The following CDC123 variants were observed in gnomAD, a reference collection of about 807,000 sequenced individuals.
CDC123 encodes cell division cycle 123, also known as translation initiation factor eIF2 assembly protein.
A neutral mutation model predicts 54.4 loss-of-function variants in CDC123; 37 were observed. The ratio of observed to expected loss-of-function variants is 0.68; its 90% CI spans 0.52 to 0.89. The LOEUF (loss-of-function observed/expected upper bound fraction) is 0.89, where lower values mean the gene tolerates loss of function less well. CDC123 is among the 40% of genes least tolerant of loss of function. The pLI, the probability that CDC123 is intolerant of heterozygous loss-of-function variation, is 0.00. For missense variants in CDC123, 361 were observed against 412.1 expected (o/e 0.88, Z 1.07); for synonymous variants, 144 against 136.8 (o/e 1.05, Z -0.37).
intron 4 of CDC123, among the ~76,000 whole-genome samples, chr10:12,211,066 CT>C (rs1279536501): frequency 6.6e-6 from 1 of 152,114 alleles, no homozygotes; most frequent in Non-Finnish European, 1.5e-5. Context: ...AGGTATGTGA[CT>C]TTTACCAGTG....
intron 1 of CDC123, among the ~76,000 whole-genome samples, 168 bp from the exon 2 acceptor site, chr10:12,198,537 A>G (rs1835395327): frequency 1.3e-5 from 2 of 152,204 alleles, no homozygotes; most frequent in Admixed American, 6.5e-5. Context: ...AACCGCAGTA[A>G]TCTTATTATT....
chr10:12,209,092 TA>T (rs946900243), intron 2 of CDC123, among the ~76,000 whole-genome samples: 9 of 152,222 alleles, frequency 5.9e-5, no homozygotes, highest in African/African-American at 2.2e-4. Flanking sequence ...AACTTTCTCA[TA>T]TACTGAGGTT....
Position 12,196,471 on chromosome 10 carries a change from C to T in CDC123, c.74+152C>T, listed in dbSNP as rs192964684. 2.1e-3 allele frequency: 2,348 copies of T among 1,093,654 alleles called. 12 individuals are homozygous for T. Among genetic ancestry groups the T allele is most frequent in the Middle Eastern group, 0.013 (64 of 4,764 alleles). 67.7% of individuals were successfully genotyped at this position (1,093,654 alleles called of 1,614,324 possible). Reference sequence around the variant, plus strand: ...GAAGTACATCAGCAATTGTCTGCGTCCTGTTGCGAGCCAGCGAGTGTGCTG... The same window carrying T: ...GAAGTACATCAGCAATTGTCTGCGTTCTGTTGCGAGCCAGCGAGTGTGCTG... On this transcript the variant is annotated intron_variant, in intron 1 of 12. Coordinates refer to ENST00000281141, the MANE Select transcript of CDC123 (RefSeq NM_006023.3).
At position 12,200,120 on chromosome 10, in the gene CDC123, A is replaced by ATTTTTTTTTTTTTTTTTTTTTTT. The variant is rs543337462; in HGVS notation, c.146+1345_146+1367dup. On this transcript the variant is annotated intron_variant, in intron 2 of 12. Transcript: ENST00000281141. Reference sequence around the variant, plus strand: ...ATAGGCCTGAGCCACCGCACTCGGCATTTTTTTTTTTTTTTTTTTTTTTAA... The same window carrying ATTTTTTTTTTTTTTTTTTTTTTT: ...ATAGGCCTGAGCCACCGCACTCGGCATTTTTTTTTTTTTTTTTTTTTTTTTTTTTTTTTTTTTTTTTTTTTTAA... Among the ~76,000 whole-genome samples the ATTTTTTTTTTTTTTTTTTTTTTT allele has an allele frequency of 1.9e-4, 11 of 59,368 alleles. 2 individuals carry two copies. Among genetic ancestry groups the ATTTTTTTTTTTTTTTTTTTTTTT allele is most frequent in the Non-Finnish European group, 3.0e-4 (10 of 33,032 alleles). The allele number at this position is 59,368 out of a possible 152,430, so 38.9% of individuals were successfully genotyped here.
At chr10:12,215,971 CCTCT>C in intron 5 of CDC123, 136 bp downstream of exon 5, 1 of 546,984 alleles carries the variant, frequency 1.8e-6, no homozygotes, top group Non-Finnish European at 3.1e-6. Flanking sequence ...TATTAATTTC[CCTCT>C]ACTGTTTTAC....
intron 3 of CDC123, 36 bp downstream of exon 3, chr10:12,210,060 G>T (rs17151406): frequency 3.7e-6 from 6 of 1,601,156 alleles, no homozygotes; most frequent in Non-Finnish European, 5.1e-6. Context: ...TCTGTAGACT[G>T]TTGTAATTTA....
intron 6 of CDC123, among the ~76,000 whole-genome samples, chr10:12,223,555 G>A (rs966907847): frequency 2.0e-5 from 3 of 152,146 alleles, no homozygotes; most frequent in Non-Finnish European, 4.4e-5. Context: ...CAGAGTGCTG[G>A]GATTATAGGC....
chr10:12,233,809 C>T (rs568693758), intron 7 of CDC123, among the ~76,000 whole-genome samples: 5 of 151,890 alleles, frequency 3.3e-5, no homozygotes, highest in Admixed American at 2.0e-4. Flanking sequence ...TTTTTTAATA[C>T]ATTGAGAGTG....
At chr10:12,225,551 G>C (rs1489317430) in intron 6 of CDC123, among the ~76,000 whole-genome samples, 1 of 152,046 alleles carries the variant, frequency 6.6e-6, no homozygotes, top group African/African-American at 2.4e-5. Flanking sequence ...CACACCCTGA[G>C]GTTCAGCGTG....
At chr10:12,226,884 CTT>C (rs1302322692) in intron 6 of CDC123, among the ~76,000 whole-genome samples, 1 of 152,116 alleles carries the variant, frequency 6.6e-6, no homozygotes, top group Non-Finnish European at 1.5e-5. Context: ...AATCTCGGCA[CTT>C]TGGGAGGCGA....
intron 7 of CDC123, among the ~76,000 whole-genome samples, chr10:12,234,560 C>T (rs1397604012): frequency 1.3e-5 from 2 of 152,004 alleles, no homozygotes; most frequent in Non-Finnish European, 2.9e-5. Flanking sequence ...GGGTGCAGAA[C>T]ATATGAATGA....
intron 2 of CDC123, among the ~76,000 whole-genome samples, chr10:12,200,267 C>T (rs1389463327): frequency 1.3e-5 from 2 of 151,650 alleles, no homozygotes; most frequent in African/African-American, 4.8e-5. Context: ...GCTGGGACAA[C>T]AGGTGTGCGC....
chr10:12,233,863 G>T (rs1440059582), intron 7 of CDC123, among the ~76,000 whole-genome samples: 1 of 151,796 alleles, frequency 6.6e-6, no homozygotes, highest in East Asian at 1.9e-4. Flanking sequence ...AAACTTATTA[G>T]TATATGAGAG....
At chr10:12,199,497 G>A (rs1835410800) in intron 2 of CDC123, among the ~76,000 whole-genome samples, 1 of 152,132 alleles carries the variant, frequency 6.6e-6, no homozygotes, top group African/African-American at 2.4e-5. Context: ...TGAAAACAGG[G>A]ACTTGGCCCA....
Position 12,243,387 on chromosome 10 carries a change from A to G in CDC123, c.718-2762A>G, listed in dbSNP as rs78084275. Reference sequence around the variant, plus strand: ...CACTCCTGCCTGGGCAACAAGAGTGAAAAAAAAAAAAGGAAAAAATGTGGT... The same window carrying G: ...CACTCCTGCCTGGGCAACAAGAGTGGAAAAAAAAAAAGGAAAAAATGTGGT... On this transcript the variant is annotated intron_variant, in intron 10 of 12. Coordinates refer to ENST00000281141, the MANE Select transcript of CDC123 (RefSeq NM_006023.3). Among the ~76,000 whole-genome samples, 5 of 38,616 alleles carry G rather than the reference A, an allele frequency of 1.3e-4. No individual in the cohort carries two copies. In the East Asian group the frequency reaches 1.4e-3, roughly 11 times the overall value. 25.3% of individuals were successfully genotyped at this position (38,616 alleles called of 152,430 possible).
chr10:12,250,342 C>A lies in CDC123; in HGVS notation c.*5C>A, dbSNP rs765741172. 6.2e-7 allele frequency: 1 copy of A among 1,602,374 alleles called. No individual in the cohort carries two copies. Among genetic ancestry groups the A allele is most frequent in the Non-Finnish European group, 8.5e-7 (1 of 1,170,442 alleles). On this transcript the variant is annotated 3_prime_UTR_variant, in exon 13 of 13. Transcript: ENST00000281141. ...AATCAGCAGGAGGACGACTGATGAG[C>A]GTACTGGAACTGGAGAAGAGGAGGC...
intron 7 of CDC123, among the ~76,000 whole-genome samples, chr10:12,234,777 G>C (rs1157981407): frequency 6.8e-6 from 1 of 147,230 alleles, no homozygotes; most frequent in Non-Finnish European, 1.5e-5. Context: ...TTTTGAGATG[G>C]AGTTTTGCTC....
chr10:12,234,921 T>C, intron 7 of CDC123, 127 bp from the exon 8 acceptor site: 3 of 657,016 alleles, frequency 4.6e-6, no homozygotes, highest in Non-Finnish European at 7.9e-6. Flanking sequence ...GCCAAGAATG[T>C]CATATGCCTC....
At chr10:12,200,336 G>A (rs1039607306) in intron 2 of CDC123, among the ~76,000 whole-genome samples, 7 of 150,718 alleles carry the variant, frequency 4.6e-5, no homozygotes, top group Admixed American at 2.0e-4. Context: ...CATGTTGGCC[G>A]GGCTGTCTTG....
Sources: allele counts gnomAD v4.1 joint callset (sites outside exome capture counted in the v4.1 genomes callset), GRCh38; gene constraint gnomAD v4.1.1; transcripts MANE v1.5; gene names NCBI Gene and HGNC (gene_info 2026-07-23, HGNC 2026-07-21).